The following WDR47 variants were observed in gnomAD, a reference collection of about 807,000 sequenced individuals.
WDR47 encodes WD repeat domain 47.
In WDR47, 32 loss-of-function variants were observed where a neutral mutation model predicts 97.2. The observed-to-expected ratio is 0.33, with a 90% confidence interval of 0.25 to 0.44. The LOEUF is 0.44. Among genes scored for constraint, WDR47 ranks in the 20% least tolerant of loss-of-function variants. WDR47 has a pLI of 1.00. For synonymous variants in WDR47, 375 were observed against 373.5 expected (o/e 1.00, Z -0.05); for missense variants, 782 against 1,102.3 (o/e 0.71, Z 4.11).
At chr1:108,986,100 T>A (rs1027414414) in intron 10 of WDR47, among the ~76,000 whole-genome samples, 1 of 152,086 alleles carries the variant, frequency 6.6e-6, no homozygotes, top group African/African-American at 2.4e-5. Context: ...CATACATAAT[T>A]TATAAATAGG....
chr1:109,010,607 G>A (rs1034358554), intron 5 of WDR47, among the ~76,000 whole-genome samples: 1 of 141,018 alleles, frequency 7.1e-6, no homozygotes, highest in African/African-American at 2.7e-5. Flanking sequence ...TTTTGAGTCG[G>A]AGTCTCACTC....
intron 8 of WDR47, among the ~76,000 whole-genome samples, chr1:108,991,575 T>C (rs1025123772): frequency 6.6e-6 from 1 of 152,174 alleles, no homozygotes; most frequent in Non-Finnish European, 1.5e-5. Flanking sequence ...TATAGTGAGA[T>C]GTCAAGTACC....
intron 9 of WDR47, among the ~76,000 whole-genome samples, chr1:108,990,331 C>A (rs1410164289): frequency 6.6e-6 from 1 of 152,114 alleles, no homozygotes; most frequent in African/African-American, 2.4e-5. Context: ...GCCTCAGCCT[C>A]CCAAGTGGCT....
intron 8 of WDR47, among the ~76,000 whole-genome samples, chr1:108,994,357 A>C (rs567217206): frequency 1.3e-5 from 2 of 152,288 alleles, no homozygotes; most frequent in African/African-American, 4.8e-5. Context: ...AGATTACACC[A>C]CTGCATTCCA....
chr1:109,040,035 C>CAAAA (rs71281820), intron 1 of WDR47, among the ~76,000 whole-genome samples: 2 of 51,134 alleles, frequency 3.9e-5, no homozygotes, highest in African/African-American at 7.4e-5. Context: ...GACTCCGTCT[C>CAAAA]AAAAAAAAAA....
chr1:109,016,383 C>T (rs1661416939), intron 3 of WDR47, among the ~76,000 whole-genome samples: 3 of 152,020 alleles, frequency 2.0e-5, no homozygotes, highest in African/African-American at 7.2e-5. Context: ...GCCTGGGCAA[C>T]AGAATGAGAC....
intron 1 of WDR47, among the ~76,000 whole-genome samples, chr1:109,028,080 T>A (rs1442752667): frequency 6.6e-6 from 1 of 152,216 alleles, no homozygotes; most frequent in Non-Finnish European, 1.5e-5. Context: ...GATGCACATA[T>A]AATCATAATA....
intron 8 of WDR47, among the ~76,000 whole-genome samples, chr1:108,993,118 C>T (rs1437698499): frequency 6.6e-6 from 1 of 152,044 alleles, no homozygotes; most frequent in East Asian, 1.9e-4. Flanking sequence ...GAGGAATCAA[C>T]CAGCCTCGCC....
At chr1:109,023,604 GT>G in intron 1 of WDR47, 83 bp from the exon 2 acceptor site, 1 of 1,369,682 alleles carries the variant, frequency 7.3e-7, no homozygotes, top group Non-Finnish European at 1.0e-6. Flanking sequence ...CACATAACAG[GT>G]TTACTGGGAA....
At chr1:108,971,621 A>G (rs1178088107) in intron 14 of WDR47, 49 bp from the exon 15 acceptor site, 1 of 1,596,252 alleles carries the variant, frequency 6.3e-7, no homozygotes, top group Admixed American at 1.7e-5. Flanking sequence ...AAGTATATGT[A>G]TAGATTGTAT....
chr1:108,989,188 C>A (rs533740803), intron 9 of WDR47, among the ~76,000 whole-genome samples: 1 of 152,242 alleles, frequency 6.6e-6, no homozygotes, highest in South Asian at 2.1e-4. Flanking sequence ...TTACCCTGAC[C>A]AGGACTGACT....
rs1662586101 is a variant in WDR47 at position 109,031,189 on chromosome 1, TA to T, written c.-9-7669del. On this transcript the variant is annotated intron_variant, in intron 1 of 14. Transcript: ENST00000369962. ...CTAACCAAAGCTCTGTCATGTCTGC[TA>T]ATCACCTAACATTTGTAACATGGGT... Among the ~76,000 whole-genome samples, 4 of 140,228 alleles carry T rather than the reference TA, an allele frequency of 2.9e-5. 2 individuals carry two copies. The highest frequency in any genetic ancestry group is 1.5e-4 in the Admixed American group (2 of 12,984). The allele number at this position is 140,228 out of a possible 152,430, so 92.0% of individuals were successfully genotyped here. A position where few individuals can be genotyped will look rare whatever the true frequency, so the allele number is the denominator to read the frequency against.
intron 1 of WDR47, among the ~76,000 whole-genome samples, chr1:109,040,895 T>C (rs1202811486): frequency 6.6e-6 from 1 of 152,172 alleles, no homozygotes; most frequent in African/African-American, 2.4e-5. Context: ...ATTAACTTTT[T>C]GAGGCATTCT....
At chr1:108,987,613 A>G (rs1269773180) in intron 9 of WDR47, among the ~76,000 whole-genome samples, 1 of 151,886 alleles carries the variant, frequency 6.6e-6, no homozygotes, top group Non-Finnish European at 1.5e-5. Flanking sequence ...GATTACAGGT[A>G]CCCACCACCA....
At chr1:109,003,240 G>C (rs1365192665) in intron 6 of WDR47, among the ~76,000 whole-genome samples, 1 of 152,104 alleles carries the variant, frequency 6.6e-6, no homozygotes, top group East Asian at 1.9e-4. Context: ...ATTATTGTAA[G>C]TAGGGTATTG....
At chr1:108,973,025 T>G (rs1356082555) in intron 14 of WDR47, among the ~76,000 whole-genome samples, 1 of 152,038 alleles carries the variant, frequency 6.6e-6, no homozygotes, top group African/African-American at 2.4e-5. Flanking sequence ...TTCACTAAGT[T>G]CCAGGCACAT....
intron 8 of WDR47, among the ~76,000 whole-genome samples, chr1:108,993,559 G>A (rs951463374): frequency 6.6e-6 from 1 of 152,174 alleles, no homozygotes; most frequent in African/African-American, 2.4e-5. Flanking sequence ...GAAACTGTGA[G>A]ATGCTAAAAA....
chr1:109,010,033 AG>A (rs1660917892), intron 5 of WDR47, among the ~76,000 whole-genome samples: 1 of 151,988 alleles, frequency 6.6e-6, no homozygotes, highest in Non-Finnish European at 1.5e-5. Context: ...ACATACTCAT[AG>A]AAAAAAAGAC....
intron 1 of WDR47, among the ~76,000 whole-genome samples, chr1:109,024,190 G>C (rs1322467971): frequency 1.3e-5 from 2 of 152,218 alleles, no homozygotes; most frequent in African/African-American, 4.8e-5. Context: ...AGTGGCGTAC[G>C]CCTGTAATCC....
Sources: gnomAD v4.1 joint callset for allele counts (sites outside exome capture counted in the v4.1 genomes callset) on GRCh38, gnomAD v4.1.1 for gene constraint, MANE v1.5 for transcripts, NCBI Gene and HGNC (gene_info 2026-07-23, HGNC 2026-07-21) for gene names.